The following AOPEP variants were observed in gnomAD, a reference collection of about 807,000 sequenced individuals.
AOPEP encodes the protein aminopeptidase O.
Under a neutral mutation model 98.1 loss-of-function variants are expected in AOPEP, and 77 were observed. The observed-to-expected ratio is 0.78, with a 90% CI of 0.65 to 0.95. AOPEP has a LOEUF of 0.95. AOPEP is among the 40% of genes least tolerant of loss of function. The pLI is 0.00. For synonymous variants in AOPEP, 346 were observed against 365.3 expected, an observed-to-expected ratio of 0.95 and a Z score of 0.60; for missense variants, 1,024 against 1,024.7, an observed-to-expected ratio of 1.00 and a Z score of 0.01.
chr9:94,754,931 C>A (rs924232210), intron 1 of AOPEP, among the ~76,000 whole-genome samples: 3 of 152,138 alleles, frequency 2.0e-5, no homozygotes, highest in Non-Finnish European at 4.4e-5. Flanking sequence ...AATGGCAGAG[C>A]AGTTTCTTCT....
chr9:94,782,892 C>CT (rs1450666205), intron 3 of AOPEP, among the ~76,000 whole-genome samples: 5 of 152,216 alleles, frequency 3.3e-5, no homozygotes, highest in Non-Finnish European at 5.9e-5. Flanking sequence ...ACTGCGCTTA[C>CT]TGTACACGAC....
At chr9:94,921,148 A>C (rs2053563028) in intron 5 of AOPEP, 2 of 152,128 alleles carry the variant, frequency 1.3e-5, no homozygotes, top group South Asian at 4.1e-4. Context: ...CATTCTCTGT[A>C]ATGATGATGA....
chr9:95,067,644 A>G (rs1373526007), intron 14 of AOPEP, among the ~76,000 whole-genome samples: 1 of 152,170 alleles, frequency 6.6e-6, no homozygotes, highest in Admixed American at 6.5e-5. Context: ...AGCCTTTCTC[A>G]ACTTGGTTCT....
chr9:94,879,613 T>G (rs569248034), intron 5 of AOPEP, among the ~76,000 whole-genome samples: 5 of 152,238 alleles, frequency 3.3e-5, no homozygotes, highest in Non-Finnish European at 5.9e-5. Flanking sequence ...CAGCACCAGC[T>G]TTTCTACAAA....
At chr9:94,805,510 G>A (rs1427306472) in intron 5 of AOPEP, among the ~76,000 whole-genome samples, 2 of 150,520 alleles carry the variant, frequency 1.3e-5, no homozygotes, top group African/African-American at 2.5e-5. Context: ...TTTAAAAAAA[G>A]CAACAACAAC....
chr9:94,788,587 G>T (rs950013108), intron 3 of AOPEP, among the ~76,000 whole-genome samples: 1 of 152,040 alleles, frequency 6.6e-6, no homozygotes, highest in African/African-American at 2.4e-5. Flanking sequence ...AAGCATTCAG[G>T]AGCAGGGGAC....
intron 1 of AOPEP, among the ~76,000 whole-genome samples, chr9:94,734,220 T>C (rs191532841): frequency 2.6e-5 from 4 of 152,310 alleles, no homozygotes; most frequent in Admixed American, 2.6e-4. Flanking sequence ...GGGGAGCTTG[T>C]CTTGCTTTCT....
intron 5 of AOPEP, among the ~76,000 whole-genome samples, chr9:94,863,948 G>A (rs1002564275): frequency 4.6e-5 from 7 of 152,150 alleles, no homozygotes; most frequent in African/African-American, 9.7e-5. Context: ...CTGCAAGGGA[G>A]GTTGGAGAAT....
At chr9:95,006,710 A>G (rs2062050053) in intron 13 of AOPEP, among the ~76,000 whole-genome samples, 1 of 152,072 alleles carries the variant, frequency 6.6e-6, no homozygotes, top group Non-Finnish European at 1.5e-5. Flanking sequence ...GAAGAATAAT[A>G]GAAAAAGTTG....
chr9:94,970,350 A>G (rs914382597), intron 10 of AOPEP, among the ~76,000 whole-genome samples: 2 of 152,156 alleles, frequency 1.3e-5, no homozygotes, highest in African/African-American at 4.8e-5. Context: ...TGAACAATGC[A>G]ACAAACTACT....
chr9:94,812,394 C>T (rs1029493998), intron 5 of AOPEP, among the ~76,000 whole-genome samples: 11 of 152,064 alleles, frequency 7.2e-5, no homozygotes, highest in South Asian at 4.2e-4. Context: ...CCCCAGAATC[C>T]GGAAGTCTTC....
At chr9:94,825,767 T>G (rs1854381585) in intron 5 of AOPEP, among the ~76,000 whole-genome samples, 1 of 152,248 alleles carries the variant, frequency 6.6e-6, no homozygotes, top group African/African-American at 2.4e-5. Context: ...ATCGGCATGG[T>G]TAAAGTTAAG....
chr9:94,868,291 C>T (rs1204259290), intron 5 of AOPEP, among the ~76,000 whole-genome samples: 1 of 152,208 alleles, frequency 6.6e-6, no homozygotes, highest in African/African-American at 2.4e-5. Flanking sequence ...GTGCAGTTCA[C>T]CAGTTTGGGG....
intron 13 of AOPEP, among the ~76,000 whole-genome samples, chr9:95,011,445 G>A (rs1239801296): frequency 1.3e-5 from 2 of 151,922 alleles, no homozygotes; most frequent in Admixed American, 6.6e-5. Flanking sequence ...CTCGTGATCC[G>A]CCCACCTCGG....
intron 13 of AOPEP, among the ~76,000 whole-genome samples, chr9:95,051,188 C>G (rs768834064): frequency 8.7e-5 from 13 of 148,744 alleles, no homozygotes; most frequent in Admixed American, 5.5e-4. Context: ...CTCCCAGGTT[C>G]GAGTGATTCT....
At chr9:95,080,084 G>A (rs888707296) in intron 14 of AOPEP, among the ~76,000 whole-genome samples, 3 of 152,190 alleles carry the variant, frequency 2.0e-5, no homozygotes, top group Admixed American at 6.5e-5. Context: ...CAGCCTGGTC[G>A]GAATGTGCAT....
At chr9:95,134,217 C>T in the AOPEP span, among the ~76,000 whole-genome samples, 3 of 152,152 alleles carry the variant, frequency 2.0e-5, no homozygotes, top group East Asian at 1.9e-4. Context: ...CGGAGGAAGG[C>T]AACTGATTCC....
intron 7 of AOPEP, among the ~76,000 whole-genome samples, chr9:94,941,414 A>T (rs1255634677): frequency 6.6e-6 from 1 of 152,130 alleles, no homozygotes; most frequent in Non-Finnish European, 1.5e-5. Context: ...TTTTATTTGA[A>T]CCACATACAC....
intron 5 of AOPEP, among the ~76,000 whole-genome samples, chr9:94,876,623 C>G (rs983648798): frequency 1.4e-4 from 22 of 152,130 alleles, no homozygotes; most frequent in African/African-American, 5.1e-4. Flanking sequence ...CCTTGGCCTC[C>G]CAAAGTGCTG....
Sources: gnomAD v4.1 joint callset for allele counts (sites outside exome capture counted in the v4.1 genomes callset) on GRCh38, gnomAD v4.1.1 for gene constraint, MANE v1.5 for transcripts, NCBI Gene and HGNC (gene_info 2026-07-23, HGNC 2026-07-21) for gene names.